DSG2: variants seen among roughly 807,000 people sequenced by gnomAD.
DSG2 encodes the protein desmoglein-2.
In DSG2, 45 loss-of-function variants were observed where a neutral mutation model predicts 75.6. That is an observed-to-expected ratio of 0.60 (90% confidence interval 0.47 to 0.76). The LOEUF is 0.76. Among genes scored for constraint, DSG2 ranks in the 30% least tolerant of loss-of-function variants. DSG2 has a pLI of 0.00. For synonymous variants in DSG2, 429 were observed against 483.9 expected (o/e 0.89, Z 1.49); for missense variants, 1,267 against 1,357.4 (o/e 0.93, Z 1.05).
rs111536258 is a variant in DSG2 at position 31,530,155 on chromosome 18, G to A, written c.1015-832G>A. On this transcript the variant is annotated intron_variant, in intron 8 of 14. Transcript: ENST00000261590. The stretch of plus-strand genomic sequence containing the variant: ...GTATTATGCTAAAAAAGAGGAGAGT[G>A]GGGTTCTTTGTTTAAACAGATTTGA... Among the ~76,000 whole-genome samples the A allele has an allele frequency of 1.3e-3, 205 of 152,148 alleles. 1 individual carries two copies. The highest frequency in any genetic ancestry group is 4.6e-3 in the African/African-American group (189 of 41,524).
At chr18:31,500,164 G>C (rs542856022) in intron 1 of DSG2, among the ~76,000 whole-genome samples, 2 of 152,192 alleles carry the variant, frequency 1.3e-5, no homozygotes, top group Admixed American at 1.3e-4. Context: ...TGCAAATAAC[G>C]GAATTTACTC....
chr18:31,507,093 C>T (rs778514813), intron 1 of DSG2, among the ~76,000 whole-genome samples: 50 of 152,134 alleles, frequency 3.3e-4, no homozygotes, highest in Non-Finnish European at 6.2e-4. Flanking sequence ...ACAGCCTCAA[C>T]AGGCCGCAGT....
chr18:31,498,202 A>AGGC lies in DSG2; in HGVS notation c.-42_-40dup. 1 of 1,232,216 alleles carries AGGC rather than the reference A, an allele frequency of 8.1e-7. No individual in the cohort carries two copies. Among genetic ancestry groups the AGGC allele is most frequent in the Non-Finnish European group, 1.0e-6 (1 of 984,710 alleles). 76.3% of individuals were successfully genotyped at this position (1,232,216 alleles called of 1,614,324 possible). A position where few individuals can be genotyped will look rare whatever the true frequency, so the allele number is the denominator to read the frequency against. On this transcript the variant is annotated 5_prime_UTR_variant, in exon 1 of 15. Transcript: ENST00000261590. Reference sequence around the variant, plus strand: ...GAGGAGCCGAGTGCGCGCTCGGGGCAGGCGGCGGCGCGGAGCGGTGCGGCG... The same window carrying AGGC: ...GAGGAGCCGAGTGCGCGCTCGGGGCAGGCGGCGGCGGCGCGGAGCGGTGCGGCG...
At position 31,519,811 on chromosome 18, in the gene DSG2, C is replaced by T. The variant is rs2144313897; in HGVS notation, c.90C>T (p.Ser30=). Residue 30 remains serine, a synonymous_variant, in exon 3 of 15, where the codon AGC becomes AGT. Coordinates refer to ENST00000261590, the MANE Select transcript of DSG2 (RefSeq NM_001943.5). ...VGSGLHLQVL[S]TRNENKLLPK... is the part of the protein sequence containing the mutation. ...ATATTCTATTGTTATAGGTCTTAAG[C>T]ACAAGAAATGAAAATAAGCTGCTTC... The T allele has an allele frequency of 6.2e-7, 1 of 1,614,040 alleles. No individual in the cohort carries two copies. Among genetic ancestry groups the T allele is most frequent in the Non-Finnish European group, 8.5e-7 (1 of 1,179,974 alleles).
At chr18:31,501,369 A>T (rs1324008702) in intron 1 of DSG2, among the ~76,000 whole-genome samples, 8 of 152,226 alleles carry the variant, frequency 5.3e-5, no homozygotes, top group Non-Finnish European at 1.2e-4. Flanking sequence ...AGCAGATCAC[A>T]CTGTGAGCAG....
intron 1 of DSG2, among the ~76,000 whole-genome samples, chr18:31,506,092 C>G (rs554218264): frequency 6.6e-6 from 1 of 152,316 alleles, no homozygotes; most frequent in South Asian, 2.1e-4. Context: ...AGTATAAGGA[C>G]AAGAACTTGA....
Position 31,547,522 on chromosome 18 carries a change from C to G in DSG2, c.*779C>G, listed in dbSNP as rs1028225080. The G allele has an allele frequency of 6.6e-6, 1 of 151,822 alleles. No individual in the cohort carries two copies. The highest frequency in any genetic ancestry group is 2.1e-4 in the South Asian group (1 of 4,812). 9.4% of individuals were successfully genotyped at this position (151,822 alleles called of 1,614,324 possible). ...TGAAACCCCGTCTCTACTAAAAATACAAAAATTAGCTGGGCGTGATGGTGG... is the reference window on the plus strand; with the variant it reads ...TGAAACCCCGTCTCTACTAAAAATAGAAAAATTAGCTGGGCGTGATGGTGG... On this transcript the variant is annotated 3_prime_UTR_variant, in exon 15 of 15. Transcript: ENST00000261590.
At chr18:31,508,790 C>G (rs2073052185) in intron 1 of DSG2, among the ~76,000 whole-genome samples, 1 of 152,130 alleles carries the variant, frequency 6.6e-6, no homozygotes, top group Non-Finnish European at 1.5e-5. Context: ...ATTATCCAGG[C>G]TCTCCTCTTC....
chr18:31,526,751 A>G (rs2073165357), intron 8 of DSG2, among the ~76,000 whole-genome samples: 1 of 152,308 alleles, frequency 6.6e-6, no homozygotes, highest in Non-Finnish European at 1.5e-5. Flanking sequence ...TACATATATG[A>G]CGATGGCCCC....
rs957079342 is a variant in DSG2, at chr18:31,520,854, A to G, written c.268A>G (p.Thr90Ala). The G allele has an allele frequency of 6.2e-7, 1 of 1,613,798 alleles. No homozygotes were observed. The highest frequency in any genetic ancestry group is 8.5e-7 in the Non-Finnish European group (1 of 1,179,842). Residue 90 changes from threonine (T) to alanine (A), a missense_variant, in exon 4 of 15, where the codon ACT becomes GCT. By Grantham distance (58) the Thr-to-Ala change is moderately conservative. Transcript: ENST00000261590. ...ERGLKITYKY[T>A]GKGITEPPFG... is the part of the protein sequence containing the mutation. ...AGGACTCAAAATTACTTACAAATAC[A>G]CTGGAAAAGGGATTACAGAGCCACC...
intron 1 of DSG2, among the ~76,000 whole-genome samples, chr18:31,516,542 T>C (rs2073095426): frequency 6.6e-6 from 1 of 152,194 alleles, no homozygotes; most frequent in Non-Finnish European, 1.5e-5. Flanking sequence ...GTGAGCACAC[T>C]TTTGAGGATG....
At chr18:31,538,188 A>G (rs2073243481) in intron 11 of DSG2, among the ~76,000 whole-genome samples, 1 of 152,206 alleles carries the variant, frequency 6.6e-6, no homozygotes, top group African/African-American at 2.4e-5. Context: ...AGGGTTTGTT[A>G]ATATTCACTA....
rs185266383 is a variant in DSG2 at position 31,518,248 on chromosome 18, A to G, written c.55A>G (p.Asn19Asp). The G allele has an allele frequency of 4.1e-5, 66 of 1,613,096 alleles. No homozygotes were observed. In the Admixed American group the frequency reaches 1.1e-3, roughly 27 times the overall value. The change falls in exon 2 of 15, where the codon AAC becomes GAC. Residue 19 changes from asparagine (N) to aspartate (D), a missense_variant. Physicochemically the swap from Asn to Asp is conservative, Grantham distance 23. Coordinates refer to ENST00000261590, the MANE Select transcript of DSG2 (RefSeq NM_001943.5). ...YALLLLLICF[N>D]VGSGLHLQVL... ...TAATTTTATTTTACAGATCTGCTTT[A>G]ACGTTGGAAGTGGACTTCACTTACA...
chr18:31,527,224 G>A (rs2073167931), intron 8 of DSG2, among the ~76,000 whole-genome samples: 1 of 152,178 alleles, frequency 6.6e-6, no homozygotes, highest in African/African-American at 2.4e-5. Flanking sequence ...ATTCAGTACA[G>A]TAACATGCTA....
At chr18:31,509,687 G>A (rs1232864980) in intron 1 of DSG2, among the ~76,000 whole-genome samples, 3 of 152,178 alleles carry the variant, frequency 2.0e-5, no homozygotes, top group East Asian at 1.9e-4. Context: ...TCTGACCCAC[G>A]TCAGATTTAT....
At chr18:31,529,477 A>G (rs1257600859) in intron 8 of DSG2, among the ~76,000 whole-genome samples, 1 of 152,240 alleles carries the variant, frequency 6.6e-6, no homozygotes, top group African/African-American at 2.4e-5. Flanking sequence ...TCACAAAGAT[A>G]TTACAATCAC....
At position 31,547,066 on chromosome 18, in the gene DSG2, T is replaced by G. The variant is rs950331366; in HGVS notation, c.*323T>G. Reference sequence around the variant, plus strand: ...CTGAGAATTTACCAAGTGAACAGAGTACCTAGTTCATCAGCCGTCCAGTAA... The same window carrying G: ...CTGAGAATTTACCAAGTGAACAGAGGACCTAGTTCATCAGCCGTCCAGTAA... On this transcript the variant is annotated 3_prime_UTR_variant, in exon 15 of 15. Transcript: ENST00000261590. 2.5e-6 allele frequency: 1 copy of G among 407,712 alleles called. No individual in the cohort carries two copies. The highest frequency in any genetic ancestry group is 2.1e-5 in the African/African-American group (1 of 48,692). The allele number at this position is 407,712 out of a possible 1,614,324, so 25.3% of individuals were successfully genotyped here.
At chr18:31,521,947 A>G in intron 5 of DSG2, 136 bp from the exon 6 acceptor site, 1 of 737,670 alleles carries the variant, frequency 1.4e-6, no homozygotes, top group South Asian at 1.8e-5. Flanking sequence ...GTTAAATGTT[A>G]TATTGTGGTC....
chr18:31,538,810 C>G lies in DSG2; in HGVS notation c.1711C>G (p.Leu571Val), dbSNP rs1168361144. 1 of 1,614,192 alleles carries G rather than the reference C, an allele frequency of 6.2e-7. No homozygotes were observed. Among genetic ancestry groups the G allele is most frequent in the East Asian group, 2.2e-5 (1 of 44,886 alleles). ...GCTTGGGAGAAGTGAAATTCAGTTC[C>G]TGATTTCAGACAATCAGGGTTTTAG... ...KKLGRSEIQFLISDNQGFSCP... is the reference protein window; with the variant it reads ...KKLGRSEIQFVISDNQGFSCP... The change falls in exon 12 of 15, where the codon CTG (leucine) becomes GTG (valine). Residue 571 changes from leucine to valine, a missense_variant. Coordinates refer to ENST00000261590, the MANE Select transcript of DSG2 (RefSeq NM_001943.5).
Sources: allele counts gnomAD v4.1 joint callset (sites outside exome capture counted in the v4.1 genomes callset), GRCh38; gene constraint gnomAD v4.1.1; transcripts MANE v1.5; gene names NCBI Gene and HGNC (gene_info 2026-07-23, HGNC 2026-07-21).